ASAP1: variants seen among roughly 807,000 people sequenced by gnomAD.
ASAP1 encodes the protein arf-GAP with SH3 domain, ANK repeat and PH domain-containing protein 1.
ASAP1 carries 43 observed loss-of-function variants against 145.2 expected under a neutral mutation model. That is an observed-to-expected ratio of 0.30 (90% confidence interval 0.23 to 0.38). ASAP1 has a LOEUF of 0.38. Ranked by LOEUF, ASAP1 falls within the 10% of genes least tolerant of loss-of-function variation. ASAP1 has a pLI of 1.00. For synonymous variants in ASAP1, 546 were observed against 515.5 expected, an observed-to-expected ratio of 1.06 and a Z score of -0.80; for missense variants, 1,018 against 1,355.3, an observed-to-expected ratio of 0.75 and a Z score of 3.91.
At chr8:130,299,501 C>T (rs1040421279) in intron 3 of ASAP1, among the ~76,000 whole-genome samples, 19 of 152,190 alleles carry the variant, frequency 1.2e-4, no homozygotes, top group Non-Finnish European at 2.5e-4. Context: ...TCATCCTCAT[C>T]CCCTTTTTAA....
chr8:130,179,617 C>T (rs1364338030), intron 8 of ASAP1, among the ~76,000 whole-genome samples: 1 of 152,078 alleles, frequency 6.6e-6, no homozygotes, highest in African/African-American at 2.4e-5. Context: ...TATTATTTCC[C>T]CTTGGTGCAG....
In ASAP1 at chr8:130,358,451, G is replaced by C. The variant is rs902976522; in HGVS notation, c.60-308C>G. 1.3e-4 allele frequency among the ~76,000 whole-genome samples: 19 copies of C among 148,458 alleles called. No homozygotes were observed. The highest frequency in any genetic ancestry group is 2.7e-4 in the Non-Finnish European group (18 of 66,534). Reference sequence around the variant, plus strand: ...CGGCGGCGGCAGCTCCTCAGCGGCGGGGGAGGGGACGCGGCTGCGCGCGGG... The same window carrying C: ...CGGCGGCGGCAGCTCCTCAGCGGCGCGGGAGGGGACGCGGCTGCGCGCGGG... On this transcript the variant is annotated intron_variant, in intron 2 of 29. Transcript: ENST00000518721. This position sits in a 1 kb window ranked among gnomAD's most constrained non-coding sequence, Gnocchi z 4.1.
chr8:130,327,996 A>C (rs944678317), intron 3 of ASAP1, among the ~76,000 whole-genome samples: 2 of 152,316 alleles, frequency 1.3e-5, no homozygotes, highest in South Asian at 2.1e-4. Context: ...CAGGTGATTT[A>C]ACAGGATCCC....
At chr8:130,087,077 C>T (rs969496714) in intron 25 of ASAP1, among the ~76,000 whole-genome samples, 1 of 152,210 alleles carries the variant, frequency 6.6e-6, no homozygotes, top group African/African-American at 2.4e-5. Flanking sequence ...GGGGACTGGG[C>T]GGGGCTAATC....
rs369158448 is a variant in ASAP1, at chr8:130,358,174, C to T, written c.60-31G>A. ...GGGAGGGACGAGACACAAGCGGGGG[C>T]GGGGGGTGAGTCACGGCGCAGGCTC... On this transcript the variant is annotated intron_variant, in intron 2 of 29. Transcript: ENST00000518721. The surrounding 1 kb of genome is among the most constrained non-coding windows in gnomAD (Gnocchi z 4.1). The T allele has an allele frequency of 8.9e-6, 14 of 1,576,836 alleles. No individual in the cohort carries two copies. The highest frequency in any genetic ancestry group is 4.6e-5 in the East Asian group (2 of 43,248).
chr8:130,054,223 T>C lies in ASAP1; in HGVS notation c.*508A>G, dbSNP rs977749893. The C allele has an allele frequency of 3.9e-5, 6 of 153,884 alleles. No individual in the cohort carries two copies. The highest frequency in any genetic ancestry group is 1.4e-4 in the African/African-American group (6 of 41,456). The allele number at this position is 153,884 out of a possible 1,614,324, so 9.5% of individuals were successfully genotyped here. A position where few individuals can be genotyped will look rare whatever the true frequency, so the allele number is the denominator to read the frequency against. ...CACTTTTCTGTAATAAATACCAAAG[T>C]AGGTTTTTGTAGCTGTAAACTGTGT... On this transcript the variant is annotated 3_prime_UTR_variant, in exon 30 of 30. Transcript: ENST00000518721.
chr8:130,305,894 A>G (rs1822964111), intron 3 of ASAP1, among the ~76,000 whole-genome samples: 1 of 152,120 alleles, frequency 6.6e-6, no homozygotes. Context: ...AGTGCCAAGA[A>G]CTTCACATCA....
chr8:130,167,662 C>G (rs750838927), intron 10 of ASAP1, 40 bp from the exon 11 acceptor site: 1 of 1,400,454 alleles, frequency 7.1e-7, no homozygotes, highest in Admixed American at 1.7e-5. Flanking sequence ...ACCATTTACA[C>G]TTTCACAGGC....
intron 28 of ASAP1, 59 bp downstream of exon 28, chr8:130,060,520 C>T: frequency 6.5e-7 from 1 of 1,527,008 alleles, no homozygotes; most frequent in Non-Finnish European, 8.8e-7. Flanking sequence ...ACCTGCCCTC[C>T]CACCAACTTG....
chr8:130,104,514 A>T (rs1297707548), intron 24 of ASAP1, among the ~76,000 whole-genome samples: 1 of 152,262 alleles, frequency 6.6e-6, no homozygotes, highest in Non-Finnish European at 1.5e-5. Flanking sequence ...GACAAATACA[A>T]AACAGCCAAT....
At chr8:130,175,731 G>A (rs921621793) in intron 9 of ASAP1, among the ~76,000 whole-genome samples, 2 of 152,078 alleles carry the variant, frequency 1.3e-5, no homozygotes, top group Admixed American at 6.5e-5. Flanking sequence ...TTTACTAAGC[G>A]TTTATTAAAT....
intron 3 of ASAP1, among the ~76,000 whole-genome samples, chr8:130,301,792 T>C (rs549353154): frequency 1.1e-4 from 16 of 152,374 alleles, no homozygotes; most frequent in African/African-American, 3.8e-4. Flanking sequence ...TCAACAGATA[T>C]GCATATGCAT....
intron 25 of ASAP1, among the ~76,000 whole-genome samples, chr8:130,088,373 G>A (rs546005527): frequency 2.0e-5 from 3 of 152,034 alleles, no homozygotes; most frequent in Non-Finnish European, 4.4e-5. Context: ...CAAGTGATCC[G>A]CCCGCCTTGG....
intron 29 of ASAP1, among the ~76,000 whole-genome samples, chr8:130,057,374 T>C (rs959800050): frequency 6.6e-6 from 1 of 152,226 alleles, no homozygotes; most frequent in Admixed American, 6.5e-5. Context: ...TGCCTACAAC[T>C]CACAAGGTTA....
At chr8:130,288,104 A>G (rs897789560) in intron 3 of ASAP1, among the ~76,000 whole-genome samples, 1 of 152,220 alleles carries the variant, frequency 6.6e-6, no homozygotes, top group African/African-American at 2.4e-5. Flanking sequence ...AGCTCCAGCT[A>G]CACGCATCAA....
intron 11 of ASAP1, among the ~76,000 whole-genome samples, chr8:130,163,482 A>C (rs957121199): frequency 6.6e-6 from 1 of 152,246 alleles, no homozygotes; most frequent in Non-Finnish European, 1.5e-5. Flanking sequence ...ACCTCATTAA[A>C]CTGAGCAGAA....
chr8:130,430,675 C>G (rs1830105213), intron 1 of ASAP1, among the ~76,000 whole-genome samples: 1 of 152,104 alleles, frequency 6.6e-6, no homozygotes, highest in Non-Finnish European at 1.5e-5. Flanking sequence ...TCCAGAGAAA[C>G]CACCCAGAAC....
intron 5 of ASAP1, among the ~76,000 whole-genome samples, chr8:130,194,898 AAG>A (rs1181813197): frequency 3.9e-5 from 6 of 152,188 alleles, no homozygotes; most frequent in Non-Finnish European, 7.4e-5. Context: ...TGACCTGAGC[AAG>A]AGTTTTGCAA....
chr8:130,294,686 C>G (rs1290038215), intron 3 of ASAP1, among the ~76,000 whole-genome samples: 1 of 152,162 alleles, frequency 6.6e-6, no homozygotes, highest in Non-Finnish European at 1.5e-5. Context: ...GGAAAAGCAT[C>G]AAGAGTCACA....
Sources: allele counts gnomAD v4.1 joint callset (sites outside exome capture counted in the v4.1 genomes callset), GRCh38; gene constraint gnomAD v4.1.1; non-coding constraint Gnocchi (gnomAD v3.1); transcripts MANE v1.5; gene names NCBI Gene and HGNC (gene_info 2026-07-23, HGNC 2026-07-21).